DCDC1: variants seen among roughly 807,000 people sequenced by gnomAD.
DCDC1 encodes the protein doublecortin domain containing 1.
Under a neutral mutation model 178.3 loss-of-function variants are expected in DCDC1, and 200 were observed. That is an observed-to-expected ratio of 1.12 (90% CI 1.00 to 1.26). The LOEUF (loss-of-function observed/expected upper bound fraction) is 1.26. Ranked by LOEUF, DCDC1 falls within the 50% of genes most tolerant of loss-of-function variation. The pLI is 0.00. For synonymous variants in DCDC1, 690 were observed against 604.8 expected, an observed-to-expected ratio of 1.14 and a Z score of -2.07; for missense variants, 1,983 against 1,749.2, an observed-to-expected ratio of 1.13 and a Z score of -2.38.
chr11:30,913,398 C>CT (rs1565065708), intron 27 of DCDC1, among the ~76,000 whole-genome samples: 1 of 151,664 alleles, frequency 6.6e-6, no homozygotes, highest in Non-Finnish European at 1.5e-5. Flanking sequence ...AACAGAGACT[C>CT]TGTCTCAAAA....
rs144616483 is a variant in DCDC1 at position 31,176,076 on chromosome 11, C to T, written c.1222-38292G>A. Among the ~76,000 whole-genome samples the T allele has an allele frequency of 4.7e-3, 721 of 152,146 alleles. 8 individuals are homozygous for T. Among genetic ancestry groups the T allele is most frequent in the African/African-American group, 0.017 (694 of 41,504 alleles). On this transcript the variant is annotated intron_variant, in intron 9 of 38. Coordinates refer to ENST00000684477, the MANE Select transcript of DCDC1 (RefSeq NM_001387274.1). ...CAAAGAAAACGACTTTTACAGAATG[C>T]CTAAAAAGAAAATCTAAATAATGAT...
intron 28 of DCDC1, among the ~76,000 whole-genome samples, chr11:30,910,447 A>G (rs1945363145): frequency 6.6e-6 from 1 of 152,210 alleles, no homozygotes; most frequent in Non-Finnish European, 1.5e-5. Flanking sequence ...AGACTTAATT[A>G]AGCTTTGGTA....
intron 2 of DCDC1, among the ~76,000 whole-genome samples, 164 bp downstream of exon 2, chr11:31,335,283 C>A (rs940976753): frequency 6.6e-6 from 1 of 152,140 alleles, no homozygotes; most frequent in South Asian, 2.1e-4. Context: ...GCTGGAGCAC[C>A]CTATTTTTCC....
intron 20 of DCDC1, among the ~76,000 whole-genome samples, chr11:31,041,413 C>T (rs1329247256): frequency 6.6e-6 from 1 of 152,200 alleles, no homozygotes; most frequent in Non-Finnish European, 1.5e-5. Flanking sequence ...ACTTACGTTA[C>T]ACTGACTTTG....
At position 31,036,085 on chromosome 11, in the gene DCDC1, T is replaced by C. The variant is rs370564803; in HGVS notation, c.2591+28384A>G. On this transcript the variant is annotated intron_variant, in intron 20 of 38. Coordinates refer to ENST00000684477, the MANE Select transcript of DCDC1 (RefSeq NM_001387274.1). ...CTAGCTTTTTGGGACCAATCTGCTCTATTTTAAGTAATCGCTGTGAAGTCG... is the reference window on the plus strand; with the variant it reads ...CTAGCTTTTTGGGACCAATCTGCTCCATTTTAAGTAATCGCTGTGAAGTCG... Among the ~76,000 whole-genome samples, 49 of 152,346 alleles carry C rather than the reference T, an allele frequency of 3.2e-4. No individual in the cohort carries two copies. In the South Asian group the frequency reaches 9.9e-3, roughly 31 times the overall value.
At position 30,911,560 on chromosome 11, in the gene DCDC1, C is replaced by T. The variant is rs1394046279; in HGVS notation, c.3654-140G>A. The T allele has an allele frequency of 4.3e-6, 3 of 691,792 alleles. No individual in the cohort carries two copies. The African/African-American group carries it at 5.3e-5, about 12-fold the overall frequency. The allele number at this position is 691,792 out of a possible 1,614,324, so 42.9% of individuals were successfully genotyped here. ...TGTGAATCCTTTAAGAATTTCTCCC[C>T]TACAGTAAGTGTGATGTTAAGCTTT... On this transcript the variant is annotated intron_variant, in intron 27 of 38. Coordinates refer to ENST00000684477, the MANE Select transcript of DCDC1 (RefSeq NM_001387274.1).
At chr11:30,991,469 G>A (rs1211118153) in intron 20 of DCDC1, among the ~76,000 whole-genome samples, 1 of 152,008 alleles carries the variant, frequency 6.6e-6, no homozygotes, top group African/African-American at 2.4e-5. Flanking sequence ...AATTAGTAAG[G>A]CTCTTAAGTA....
chr11:31,043,748 T>A (rs1954630373), intron 20 of DCDC1, among the ~76,000 whole-genome samples: 1 of 152,114 alleles, frequency 6.6e-6, no homozygotes, highest in Non-Finnish European at 1.5e-5. Flanking sequence ...ATTGTGGCTA[T>A]TAGGCCTAAA....
intron 20 of DCDC1, among the ~76,000 whole-genome samples, chr11:30,973,701 C>T (rs548950155): frequency 2.6e-5 from 4 of 152,084 alleles, no homozygotes; most frequent in Non-Finnish European, 4.4e-5. Flanking sequence ...GAGGATATAA[C>T]AATTCTAAAC....
chr11:31,263,209 C>A, intron 8 of DCDC1: 1 of 754,344 alleles, frequency 1.3e-6, no homozygotes, highest in South Asian at 2.8e-5. Flanking sequence ...TGTTTTAATT[C>A]CAGGTGAACT....
In DCDC1 at chr11:30,900,446, G is replaced by A. The variant is rs1237416222; in HGVS notation, c.4563C>T (p.Ser1521=). The A allele has an allele frequency of 5.8e-6, 9 of 1,555,760 alleles. No individual in the cohort carries two copies. Among genetic ancestry groups the A allele is most frequent in the South Asian group, 2.5e-5 (2 of 80,244 alleles). ...KNRLFAKSVT[S]DSLDGIDKSL... ...ACTTGTCTATACCATCCAAACTATC[G>A]GATGTCACAGATTTTGCAAATAATC... The change falls in exon 33 of 39, where the codon TCC becomes TCT. Residue 1521 remains serine, a synonymous_variant. Coordinates refer to ENST00000684477, the MANE Select transcript of DCDC1 (RefSeq NM_001387274.1).
chr11:31,038,007 A>G (rs1954187809), intron 20 of DCDC1, among the ~76,000 whole-genome samples: 1 of 137,534 alleles, frequency 7.3e-6, no homozygotes, highest in Admixed American at 8.2e-5. Flanking sequence ...TGTCCTTGCA[A>G]TAGTTTGCTG....
At chr11:30,994,329 C>T (rs894980953) in intron 20 of DCDC1, among the ~76,000 whole-genome samples, 1 of 151,806 alleles carries the variant, frequency 6.6e-6, no homozygotes, top group Non-Finnish European at 1.5e-5. Flanking sequence ...TCCGGAGACT[C>T]ACTCAGTAAC....
intron 11 of DCDC1, among the ~76,000 whole-genome samples, chr11:31,119,090 C>T (rs1016985574): frequency 1.2e-4 from 19 of 152,034 alleles, no homozygotes; most frequent in Admixed American, 7.9e-4. Context: ...TGGAAAAGAG[C>T]GCTGCAAAGA....
intron 34 of DCDC1, among the ~76,000 whole-genome samples, chr11:30,898,462 AC>A (rs1370592341): frequency 6.6e-6 from 1 of 152,196 alleles, no homozygotes; most frequent in Non-Finnish European, 1.5e-5. Flanking sequence ...GACAAGGCTT[AC>A]TGAATATTTG....
intron 9 of DCDC1, among the ~76,000 whole-genome samples, chr11:31,202,990 T>C (rs544548468): frequency 6.6e-6 from 1 of 152,172 alleles, no homozygotes; most frequent in Non-Finnish European, 1.5e-5. Context: ...AAAGGCTGGG[T>C]TCTGGACTCC....
rs149138356 is a variant in DCDC1, at chr11:30,868,790, A to G, written c.*41-3458T>C. ...GCTCAAAATTATTACTATTTCAGAC[A>G]AATGTTTAACTGTTCTCAGATTATC... is the stretch of plus-strand genomic sequence containing the variant. On this transcript the variant is annotated intron_variant, in intron 38 of 38. Coordinates refer to ENST00000684477, the MANE Select transcript of DCDC1 (RefSeq NM_001387274.1). 3.3e-4 allele frequency among the ~76,000 whole-genome samples: 51 copies of G among 152,346 alleles called. No homozygotes were observed. The East Asian group carries it at 9.6e-3, about 29-fold the overall frequency.
chr11:30,893,020 T>C (rs1943915984), intron 35 of DCDC1, 23 bp from the exon 36 acceptor site: 2 of 1,612,356 alleles, frequency 1.2e-6, no homozygotes, highest in Non-Finnish European at 1.7e-6. Flanking sequence ...GCCCAGAGAA[T>C]GTTGTGTTTA....
In DCDC1 at chr11:31,349,201, C is replaced by A. The variant is rs1950959623; in HGVS notation, c.-124-13637G>T. ...TATCTAGCTGTTGCCTTATTCTATG[C>A]TACCAGACTGTGTTAAGCAAACCAG... On this transcript the variant is annotated intron_variant, in intron 1 of 38. Transcript: ENST00000684477. Among the ~76,000 whole-genome samples the A allele has an allele frequency of 2.0e-5, 3 of 152,146 alleles. No homozygotes were observed. The South Asian group carries it at 6.2e-4, about 31-fold the overall frequency.
Sources: gnomAD v4.1 joint callset for allele counts (sites outside exome capture counted in the v4.1 genomes callset) on GRCh38, gnomAD v4.1.1 for gene constraint, MANE v1.5 for transcripts, NCBI Gene and HGNC (gene_info 2026-07-23, HGNC 2026-07-21) for gene names.